CSMD3: variants seen among roughly 807,000 people sequenced by gnomAD.
The protein encoded by CSMD3 is CUB and sushi domain-containing protein 3.
A neutral mutation model predicts 435.2 loss-of-function variants in CSMD3; 177 were observed. That is an observed-to-expected ratio of 0.41 (90% CI 0.36 to 0.46). The LOEUF is 0.46. Ranked by LOEUF, CSMD3 falls within the 20% of genes least tolerant of loss-of-function variation. The pLI is 0.34. For synonymous variants in CSMD3, 1,656 were observed against 1,520.5 expected, an observed-to-expected ratio of 1.09 and a Z score of -2.07; for missense variants, 4,265 against 4,504.6, an observed-to-expected ratio of 0.95 and a Z score of 1.52.
chr8:113,077,423 G>C (rs1432711854), intron 5 of CSMD3, among the ~76,000 whole-genome samples: 6 of 151,948 alleles, frequency 3.9e-5, no homozygotes, highest in Non-Finnish European at 7.4e-5. Flanking sequence ...AAAGCTCTAA[G>C]AATGTCAGTG....
chr8:112,553,024 T>C lies in CSMD3; in HGVS notation c.4235-304A>G, dbSNP rs1827822237. Among the ~76,000 whole-genome samples the C allele has an allele frequency of 2.6e-5, 4 of 152,110 alleles. No individual in the cohort carries two copies. In the South Asian group the frequency reaches 8.3e-4, roughly 31 times the overall value. ...TTTAAGATGTGTTGTTAAATAACGATAATTTTAAAAGGGAAACAGATGGCA... is the reference window on the plus strand; with the variant it reads ...TTTAAGATGTGTTGTTAAATAACGACAATTTTAAAAGGGAAACAGATGGCA... On this transcript the variant is annotated intron_variant, in intron 25 of 70. Transcript: ENST00000297405.
chr8:113,135,932 C>G (rs1196416502), intron 4 of CSMD3, among the ~76,000 whole-genome samples: 1 of 151,786 alleles, frequency 6.6e-6, no homozygotes, highest in Non-Finnish European at 1.5e-5. Flanking sequence ...CCGAGTTTCT[C>G]TGATTATTGT....
chr8:112,947,905 GAAACA>G, intron 8 of CSMD3, 28 bp from the exon 9 acceptor site: 1 of 921,848 alleles, frequency 1.1e-6, no homozygotes, highest in Non-Finnish European at 1.8e-6. Flanking sequence ...AAAGAAAAAA[GAAACA>G]AAATATATGT....
chr8:113,229,773 T>C (rs1037569879), intron 3 of CSMD3, among the ~76,000 whole-genome samples: 1 of 151,680 alleles, frequency 6.6e-6, no homozygotes, highest in African/African-American at 2.4e-5. Flanking sequence ...ACACCACCCA[T>C]GTTTTCTCGG....
At chr8:112,989,651 C>T (rs2085379794) in intron 6 of CSMD3, among the ~76,000 whole-genome samples, 1 of 151,902 alleles carries the variant, frequency 6.6e-6, no homozygotes, top group Non-Finnish European at 1.5e-5. Flanking sequence ...GTAGGTGTGA[C>T]CCTACTAAGA....
intron 13 of CSMD3, among the ~76,000 whole-genome samples, chr8:112,794,285 CTTTTTTTTTTTTTT>C (rs1203991072): frequency 3.1e-5 from 3 of 96,302 alleles, no homozygotes; most frequent in Non-Finnish European, 6.1e-5. Flanking sequence ...GACTGATAAA[CTTTTTTTTTTTTTT>C]TTTTTTTTTT....
At chr8:112,239,351 A>G (rs1813893550) in intron 66 of CSMD3, among the ~76,000 whole-genome samples, 1 of 152,016 alleles carries the variant, frequency 6.6e-6, no homozygotes. Flanking sequence ...GTTGAATTTG[A>G]TTTGCTAAGA....
chr8:113,163,957 T>C (rs890888386), intron 4 of CSMD3, among the ~76,000 whole-genome samples: 4 of 152,032 alleles, frequency 2.6e-5, no homozygotes, highest in African/African-American at 7.2e-5. Flanking sequence ...CTCCTTAAAT[T>C]ATACTGTGCC....
At chr8:112,554,526 A>AG (rs1827954184) in intron 25 of CSMD3, among the ~76,000 whole-genome samples, 1 of 151,944 alleles carries the variant, frequency 6.6e-6, no homozygotes. Flanking sequence ...ATTTGAGAAC[A>AG]GAGTTGATAC....
chr8:113,189,023 A>G (rs552728686), intron 3 of CSMD3, among the ~76,000 whole-genome samples: 1 of 151,984 alleles, frequency 6.6e-6, no homozygotes, highest in East Asian at 1.9e-4. Context: ...ATGAACCTTG[A>G]GTTTATTGAA....
At chr8:112,350,518 C>T (rs1247873309) in intron 40 of CSMD3, among the ~76,000 whole-genome samples, 2 of 151,668 alleles carry the variant, frequency 1.3e-5, no homozygotes. Context: ...TCTAGTACTC[C>T]AAATAGTAAT....
At position 113,314,667 on chromosome 8, in the gene CSMD3, C is replaced by T. The variant is rs776529077; in HGVS notation, c.305G>A (p.Arg102Lys). ...TWVIIAEERNRIQIVFQSFAL... is the reference protein window; with the variant it reads ...TWVIIAEERNKIQIVFQSFAL... The stretch of plus-strand genomic sequence containing the variant: ...AAATGACTGAAAAACAATTTGTATT[C>T]TATTTCGTTCTTCTGCTATTATTAC... Residue 102 changes from arginine (R) to lysine (K), a missense_variant, in exon 2 of 71, where the codon AGA becomes AAA. Arg to Lys is a conservative substitution (Grantham distance 26). Coordinates refer to ENST00000297405, the MANE Select transcript of CSMD3 (RefSeq NM_198123.2). 1.2e-6 allele frequency: 2 copies of T among 1,609,830 alleles called. No homozygotes were observed. Among genetic ancestry groups the T allele is most frequent in the Non-Finnish European group, 1.7e-6 (2 of 1,176,436 alleles).
At chr8:112,473,832 T>C (rs1293944298) in intron 31 of CSMD3, among the ~76,000 whole-genome samples, 2 of 151,818 alleles carry the variant, frequency 1.3e-5, no homozygotes, top group African/African-American at 4.8e-5. Context: ...TTGTACCTTT[T>C]TTCAGATTAG....
At chr8:112,385,689 A>G (rs1273648818) in intron 36 of CSMD3, among the ~76,000 whole-genome samples, 1 of 152,224 alleles carries the variant, frequency 6.6e-6, no homozygotes. Context: ...CTGTAGAGGA[A>G]GTTATTAAAT....
chr8:112,630,093 G>A (rs1468553789), intron 22 of CSMD3, among the ~76,000 whole-genome samples: 1 of 152,124 alleles, frequency 6.6e-6, no homozygotes, highest in East Asian at 1.9e-4. Flanking sequence ...CCTCAGGTGA[G>A]AACTCAGCCC....
intron 12 of CSMD3, among the ~76,000 whole-genome samples, chr8:112,816,838 A>G (rs1266986472): frequency 1.3e-5 from 2 of 151,574 alleles, no homozygotes; most frequent in African/African-American, 2.4e-5. Context: ...AAATTTATTT[A>G]TAAATTATTA....
chr8:112,310,073 T>C (rs1298668991), intron 50 of CSMD3, among the ~76,000 whole-genome samples: 1 of 152,184 alleles, frequency 6.6e-6, no homozygotes, highest in Non-Finnish European at 1.5e-5. Context: ...GATAAAATAA[T>C]ATAATGAATT....
chr8:112,836,963 T>G (rs1035607082), intron 11 of CSMD3, among the ~76,000 whole-genome samples: 12 of 151,840 alleles, frequency 7.9e-5, no homozygotes, highest in African/African-American at 2.7e-4. Flanking sequence ...CATCATGCTA[T>G]TCTACGTTAA....
chr8:112,357,131 T>C (rs568613908), intron 38 of CSMD3, among the ~76,000 whole-genome samples: 1 of 152,200 alleles, frequency 6.6e-6, no homozygotes, highest in South Asian at 2.1e-4. Context: ...AAAATGCTGA[T>C]AGTGATATGA....
Sources: gnomAD v4.1 joint callset for allele counts (sites outside exome capture counted in the v4.1 genomes callset) on GRCh38, gnomAD v4.1.1 for gene constraint, MANE v1.5 for transcripts, NCBI Gene and HGNC (gene_info 2026-07-23, HGNC 2026-07-21) for gene names.